The following MAML2 variants were observed in gnomAD, a reference collection of about 807,000 sequenced individuals.
MAML2 encodes mastermind-like protein 2.
A neutral mutation model predicts 96.1 loss-of-function variants in MAML2; 22 were observed. The observed-to-expected ratio is 0.23, with a 90% confidence interval of 0.16 to 0.33. The LOEUF (loss-of-function observed/expected upper bound fraction) is 0.33, where lower values mean the gene tolerates loss of function less well. Ranked by LOEUF, MAML2 falls within the 10% of genes least tolerant of loss-of-function variation. The pLI, the probability that MAML2 is intolerant of heterozygous loss-of-function variation, is 1.00. For synonymous variants in MAML2, 561 were observed against 521.3 expected (o/e 1.08, Z -1.04); for missense variants, 1,367 against 1,392.4 (o/e 0.98, Z 0.29).
chr11:96,182,404 T>C (rs949747583), intron 1 of MAML2, among the ~76,000 whole-genome samples: 1 of 152,204 alleles, frequency 6.6e-6, no homozygotes, highest in Non-Finnish European at 1.5e-5. Context: ...ACAGGTTTCA[T>C]GTCTTCCCTG....
Position 96,016,041 on chromosome 11 carries a change from G to C in MAML2, c.2140-24318C>G, listed in dbSNP as rs1858346818. Among the ~76,000 whole-genome samples the C allele has an allele frequency of 2.6e-5, 4 of 152,050 alleles. No individual in the cohort carries two copies. In the South Asian group the frequency reaches 8.3e-4, roughly 32 times the overall value. On this transcript the variant is annotated intron_variant, in intron 2 of 4. Transcript: ENST00000524717. ...AAAGACGTATTTGGGGCATCATCAG[G>C]TCGCTTCTAAAGTCCTTTTGTTCAA...
chr11:96,027,260 G>A (rs1232481721), intron 2 of MAML2, among the ~76,000 whole-genome samples: 5 of 152,104 alleles, frequency 3.3e-5, no homozygotes, highest in Admixed American at 6.5e-5. Flanking sequence ...TTTTTATAGA[G>A]TGCTATTAAA....
intron 2 of MAML2, among the ~76,000 whole-genome samples, chr11:96,047,939 A>AG (rs1565199113): frequency 2.6e-5 from 4 of 151,214 alleles, no homozygotes; most frequent in East Asian, 1.9e-4. Flanking sequence ...AAAAAAGAAA[A>AG]AAGAGAGAGA....
intron 2 of MAML2, among the ~76,000 whole-genome samples, chr11:96,074,959 A>G (rs1859411338): frequency 6.6e-6 from 1 of 152,220 alleles, no homozygotes; most frequent in Non-Finnish European, 1.5e-5. Context: ...CTGGAAAAAA[A>G]GATGAATTAA....
At chr11:95,996,878 T>A (rs372525269) in intron 2 of MAML2, among the ~76,000 whole-genome samples, 4 of 152,268 alleles carry the variant, frequency 2.6e-5, no homozygotes, top group African/African-American at 9.6e-5. Context: ...ATCTGTTTTT[T>A]CCCCAACACA....
At chr11:96,186,527 T>A (rs1861578102) in intron 1 of MAML2, among the ~76,000 whole-genome samples, 1 of 152,114 alleles carries the variant, frequency 6.6e-6, no homozygotes, top group East Asian at 1.9e-4. Flanking sequence ...AGGTGGAGGT[T>A]GCGGTGAGCT....
At chr11:96,198,516 A>G (rs1425310287) in intron 1 of MAML2, among the ~76,000 whole-genome samples, 1 of 152,146 alleles carries the variant, frequency 6.6e-6, no homozygotes, top group Non-Finnish European at 1.5e-5. Flanking sequence ...ATGGGGGTAG[A>G]TGGAGGGTCC....
In MAML2 at chr11:96,093,453, T is replaced by C. The variant is rs747285514; in HGVS notation, c.578A>G (p.Asn193Ser). ...AAGAAATGAGTTGTCCACAAAGCCA[T>C]TGGGTCGCTTGCTGTTGGCAGGAGA... Reference protein sequence around the residue: ...NLSPANSKRPNGFVDNSFLDI... With the variant: ...NLSPANSKRPSGFVDNSFLDI... The change falls in exon 2 of 5, where the codon AAT becomes AGT. Residue 193 changes from asparagine to serine, a missense_variant. Transcript: ENST00000524717. 30 of 1,613,854 alleles carry C rather than the reference T, an allele frequency of 1.9e-5. No homozygotes were observed. The highest frequency in any genetic ancestry group is 4.4e-5 in the South Asian group (4 of 91,050).
chr11:96,243,888 A>G (rs1862475512), intron 1 of MAML2, among the ~76,000 whole-genome samples: 1 of 152,130 alleles, frequency 6.6e-6, no homozygotes, highest in African/African-American at 2.4e-5. Flanking sequence ...TGATCCGCCC[A>G]TCTTGGCCTC....
At chr11:96,132,578 CATG>C (rs112798192) in intron 1 of MAML2, among the ~76,000 whole-genome samples, 14,137 of 152,162 alleles carry the variant, frequency 0.093, 884 homozygotes, top group Non-Finnish European at 0.14. Flanking sequence ...GGAATCTGTT[CATG>C]TGTGTTTGCC....
chr11:96,254,382 G>T (rs1189218790), intron 1 of MAML2, among the ~76,000 whole-genome samples: 2 of 148,144 alleles, frequency 1.4e-5, no homozygotes, highest in Non-Finnish European at 1.5e-5. Flanking sequence ...CGAAAGGAAT[G>T]TTGCAGCTCT....
intron 1 of MAML2, among the ~76,000 whole-genome samples, chr11:96,173,204 A>G (rs1478019455): frequency 2.0e-5 from 3 of 152,190 alleles, no homozygotes; most frequent in South Asian, 2.1e-4. Flanking sequence ...AACCACAAAT[A>G]TCTTGGAGGA....
rs56860340 is a variant in MAML2, at chr11:96,155,509, A to AATATATATATATATATATATATAT, written c.514-62016_514-61993dup. 3.2e-4 allele frequency among the ~76,000 whole-genome samples: 24 copies of AATATATATATATATATATATATAT among 74,840 alleles called. 3 individuals carry two copies. The highest frequency in any genetic ancestry group is 8.0e-4 in the South Asian group (2 of 2,490). The allele number at this position is 74,840 out of a possible 152,430, so 49.1% of individuals were successfully genotyped here. On this transcript the variant is annotated intron_variant, in intron 1 of 4. Transcript: ENST00000524717. Reference sequence around the variant, plus strand: ...ACCTCATGGGCGCTGTAACAATTCAAATATATATATATATATATATATATA... The same window carrying AATATATATATATATATATATATAT: ...ACCTCATGGGCGCTGTAACAATTCAAATATATATATATATATATATATATATATATATATATATATATATATATA...
chr11:96,286,501 T>C (rs947911286), intron 1 of MAML2, among the ~76,000 whole-genome samples: 2 of 152,114 alleles, frequency 1.3e-5, no homozygotes, highest in African/African-American at 2.4e-5. Flanking sequence ...AAGAAAGGAA[T>C]AAGAATCCCA....
intron 1 of MAML2, among the ~76,000 whole-genome samples, chr11:96,322,430 G>C (rs1233798056): frequency 2.6e-5 from 4 of 152,220 alleles, no homozygotes; most frequent in Non-Finnish European, 4.4e-5. Flanking sequence ...GGGGCACAGT[G>C]GCTCATTCCT....
chr11:96,071,947 T>C (rs1019035319), intron 2 of MAML2, among the ~76,000 whole-genome samples: 1 of 152,226 alleles, frequency 6.6e-6, no homozygotes, highest in East Asian at 1.9e-4. Flanking sequence ...TTGTTAGAGA[T>C]GAGTCCGTCT....
intron 1 of MAML2, among the ~76,000 whole-genome samples, chr11:96,314,060 G>T (rs371641128): frequency 1.3e-5 from 2 of 152,186 alleles, no homozygotes; most frequent in African/African-American, 4.8e-5. Context: ...CTTTGGGAGA[G>T]GGCAGGGATA....
intron 2 of MAML2, among the ~76,000 whole-genome samples, chr11:96,034,452 A>AGT (rs1451571303): frequency 3.6e-5 from 5 of 139,932 alleles, no homozygotes; most frequent in African/African-American, 1.5e-4. Flanking sequence ...AGAGAGAGAG[A>AGT]GAGAGTGTGT....
At chr11:96,112,939 G>A (rs1860155350) in intron 1 of MAML2, among the ~76,000 whole-genome samples, 1 of 152,186 alleles carries the variant, frequency 6.6e-6, no homozygotes, top group African/African-American at 2.4e-5. Flanking sequence ...CTGGTTGTGG[G>A]CTAAGCAAAA....
Sources: gnomAD v4.1 joint callset for allele counts (sites outside exome capture counted in the v4.1 genomes callset) on GRCh38, gnomAD v4.1.1 for gene constraint, MANE v1.5 for transcripts, NCBI Gene and HGNC (gene_info 2026-07-23, HGNC 2026-07-21) for gene names.